CSMD3: variants seen among roughly 807,000 people sequenced by gnomAD.
CSMD3 encodes the protein CUB and sushi domain-containing protein 3.
In CSMD3, 177 loss-of-function variants were observed where a neutral mutation model predicts 435.2. That is an observed-to-expected ratio of 0.41 (90% CI 0.36 to 0.46). CSMD3 has a LOEUF of 0.46. Ranked by LOEUF, CSMD3 falls within the 20% of genes least tolerant of loss-of-function variation. CSMD3 has a pLI of 0.34. For missense variants in CSMD3, 4,265 were observed against 4,504.6 expected (o/e 0.95, Z 1.52); for synonymous variants, 1,656 against 1,520.5 (o/e 1.09, Z -2.07).
chr8:112,517,290 G>T lies in CSMD3; in HGVS notation c.4565-65C>A, dbSNP rs183729172. 4.3e-5 allele frequency: 51 copies of T among 1,173,766 alleles called. No individual in the cohort carries two copies. The East Asian group carries it at 1.2e-3, about 28-fold the overall frequency. The allele number at this position is 1,173,766 out of a possible 1,614,324, so 72.7% of individuals were successfully genotyped here. A position where few individuals can be genotyped will look rare whatever the true frequency, so the allele number is the denominator to read the frequency against. ...ACCAAAATCAATTTCATATATCCCT[G>T]TGTTTTAGAAAATTAATTTTTAAAA... On this transcript the variant is annotated intron_variant, in intron 27 of 70. Transcript: ENST00000297405.
At chr8:113,248,244 G>C (rs1350988355) in intron 3 of CSMD3, among the ~76,000 whole-genome samples, 1 of 151,466 alleles carries the variant, frequency 6.6e-6, no homozygotes, top group Non-Finnish European at 1.5e-5. Flanking sequence ...TAAAAATAGA[G>C]ATGAAGCATA....
chr8:113,069,133 T>A (rs2088991490), intron 5 of CSMD3, among the ~76,000 whole-genome samples: 3 of 152,132 alleles, frequency 2.0e-5, no homozygotes, highest in African/African-American at 4.8e-5. Flanking sequence ...ACAAATGTTA[T>A]TAAGTTCCCT....
intron 53 of CSMD3, among the ~76,000 whole-genome samples, chr8:112,296,857 A>G (rs920433918): frequency 6.6e-6 from 1 of 151,936 alleles, no homozygotes; most frequent in Non-Finnish European, 1.5e-5. Flanking sequence ...CCCTATTAAC[A>G]CCAAAAAGGA....
At chr8:112,583,919 C>CTAT (rs1057349922) in intron 23 of CSMD3, among the ~76,000 whole-genome samples, 6 of 151,574 alleles carry the variant, frequency 4.0e-5, no homozygotes, top group South Asian at 2.1e-4. Context: ...TTTATTATTA[C>CTAT]TATTATTATT....
intron 4 of CSMD3, among the ~76,000 whole-genome samples, chr8:113,111,502 G>C (rs896736741): frequency 6.6e-6 from 1 of 151,498 alleles, no homozygotes; most frequent in African/African-American, 2.4e-5. Flanking sequence ...TTCCCCCTCC[G>C]CCCCCACAAT....
intron 10 of CSMD3, among the ~76,000 whole-genome samples, chr8:112,871,822 A>G (rs1437209643): frequency 1.3e-5 from 2 of 152,110 alleles, no homozygotes; most frequent in Non-Finnish European, 2.9e-5. Context: ...ACCCAAAGTT[A>G]TGTTTACTAC....
intron 10 of CSMD3, among the ~76,000 whole-genome samples, chr8:112,891,983 A>G (rs927716296): frequency 1.3e-5 from 2 of 151,510 alleles, no homozygotes; most frequent in Admixed American, 1.3e-4. Flanking sequence ...TGTATACTAC[A>G]AAAGTCTTAT....
In CSMD3 at chr8:113,147,820, C is replaced by G. The variant is rs182510901; in HGVS notation, c.709+25902G>C. 5.3e-5 allele frequency among the ~76,000 whole-genome samples: 8 copies of G among 151,750 alleles called. No individual in the cohort carries two copies. In the East Asian group the frequency reaches 1.6e-3, roughly 30 times the overall value. On this transcript the variant is annotated intron_variant, in intron 4 of 70. Transcript: ENST00000297405. Reference sequence around the variant, plus strand: ...GGCCTTACCATTCACACATAACACTCATGAATAACAAATCTTTGTTAATTC... The same window carrying G: ...GGCCTTACCATTCACACATAACACTGATGAATAACAAATCTTTGTTAATTC...
intron 1 of CSMD3, among the ~76,000 whole-genome samples, chr8:113,369,488 C>T (rs2094333883): frequency 6.6e-6 from 1 of 151,834 alleles, no homozygotes; most frequent in Non-Finnish European, 1.5e-5. Flanking sequence ...TTATGGAAAA[C>T]AGTATGAAGT....
At chr8:113,119,047 G>A (rs1260559587) in intron 4 of CSMD3, among the ~76,000 whole-genome samples, 1 of 152,148 alleles carries the variant, frequency 6.6e-6, no homozygotes, top group Non-Finnish European at 1.5e-5. Flanking sequence ...GAAAGGCAAA[G>A]TATGAGAGCA....
chr8:112,523,052 A>G (rs1381241040), intron 27 of CSMD3, among the ~76,000 whole-genome samples: 1 of 151,946 alleles, frequency 6.6e-6, no homozygotes, highest in Non-Finnish European at 1.5e-5. Context: ...GAATAAATAC[A>G]CTGAAATCAC....
At chr8:113,101,969 T>G (rs2131560419) in intron 4 of CSMD3, among the ~76,000 whole-genome samples, 1 of 152,232 alleles carries the variant, frequency 6.6e-6, no homozygotes, top group South Asian at 2.1e-4. Context: ...TAGCAGAACA[T>G]ACTACCTAAG....
intron 1 of CSMD3, among the ~76,000 whole-genome samples, chr8:113,367,924 T>C (rs1039663466): frequency 2.6e-5 from 4 of 152,108 alleles, no homozygotes; most frequent in African/African-American, 9.7e-5. Flanking sequence ...AATTATTTTA[T>C]TTATTTATTT....
intron 23 of CSMD3, among the ~76,000 whole-genome samples, chr8:112,576,126 A>T (rs964911388): frequency 6.6e-6 from 1 of 152,108 alleles, no homozygotes; most frequent in Non-Finnish European, 1.5e-5. Context: ...AAGAACTTTC[A>T]GTTTGCCAAA....
intron 32 of CSMD3, among the ~76,000 whole-genome samples, chr8:112,413,160 T>G (rs1337602089): frequency 1.3e-5 from 2 of 152,150 alleles, no homozygotes; most frequent in African/African-American, 2.4e-5. Context: ...GCTATAACCT[T>G]TATCCCAATT....
At chr8:112,351,017 G>C (rs1826091133) in intron 40 of CSMD3, among the ~76,000 whole-genome samples, 158 bp downstream of exon 40, 1 of 151,876 alleles carries the variant, frequency 6.6e-6, no homozygotes, top group South Asian at 2.1e-4. Flanking sequence ...TCCTCAAAAA[G>C]TCATTTCCAT....
In CSMD3 at chr8:112,292,571, G is replaced by A. The variant is rs540005893; in HGVS notation, c.8754C>T (p.Asn2918=). 6.2e-7 allele frequency: 1 copy of A among 1,613,844 alleles called. No individual in the cohort carries two copies. Among genetic ancestry groups the A allele is most frequent in the South Asian group, 1.1e-5 (1 of 91,084 alleles). Residue 2918 remains asparagine, a synonymous_variant, in exon 55 of 71, where the codon AAC becomes AAT. Coordinates refer to ENST00000297405, the MANE Select transcript of CSMD3 (RefSeq NM_198123.2). ...TAGGTGGAGGATGGCTCCACTGTCTGTTGGCCTGGCACTGTGCCTTTGTTG... is the reference window on the plus strand; with the variant it reads ...TAGGTGGAGGATGGCTCCACTGTCTATTGGCCTGGCACTGTGCCTTTGTTG... ...QGPTKAQCQA[N]RQWSHPPPMC... is the part of the protein sequence containing the mutation.
intron 32 of CSMD3, among the ~76,000 whole-genome samples, chr8:112,439,563 T>G (rs1814755236): frequency 6.6e-6 from 1 of 152,212 alleles, no homozygotes; most frequent in South Asian, 2.1e-4. Context: ...AATTTTGTAC[T>G]AGTCCATTCT....
intron 9 of CSMD3, among the ~76,000 whole-genome samples, chr8:112,935,365 T>G (rs932224596): frequency 6.6e-6 from 1 of 152,124 alleles, no homozygotes. Context: ...AAAAATTGCT[T>G]TGGCTATTTG....
Sources: allele counts gnomAD v4.1 joint callset (sites outside exome capture counted in the v4.1 genomes callset), GRCh38; gene constraint gnomAD v4.1.1; transcripts MANE v1.5; gene names NCBI Gene and HGNC (gene_info 2026-07-23, HGNC 2026-07-21).